ARHGEF9: variants seen among roughly 807,000 people sequenced by gnomAD.
ARHGEF9 encodes Cdc42 guanine nucleotide exchange factor 9.
Under a neutral mutation model 41.3 loss-of-function variants are expected in ARHGEF9, and 2 were observed. That is an observed-to-expected ratio of 0.05 (90% CI 0.02 to 0.15). ARHGEF9 has a LOEUF of 0.15. Ranked by LOEUF, ARHGEF9 falls within the 10% of genes least tolerant of loss-of-function variation. The pLI is 1.00. For synonymous variants in ARHGEF9, 160 were observed against 154.4 expected (o/e 1.04, Z -0.27); for missense variants, 225 against 424.7 (o/e 0.53, Z 4.13).
chrX:63,679,951 C>CA (rs1363056768), intron 4 of ARHGEF9, among the ~76,000 whole-genome samples: 9 of 111,196 alleles, frequency 8.1e-5, no homozygotes, highest in East Asian at 2.8e-4. Context: ...AAGAAATCTA[C>CA]AAAAAAAATA....
At chrX:63,662,173 C>G (rs2049264213) in intron 7 of ARHGEF9, among the ~76,000 whole-genome samples, 1 of 111,700 alleles carries the variant, frequency 9.0e-6, no homozygotes, top group African/African-American at 3.3e-5. Flanking sequence ...AATAGTTATT[C>G]TCACCATTCA....
chrX:63,705,598 A>T (rs1428117496), intron 3 of ARHGEF9, among the ~76,000 whole-genome samples: 2 of 110,915 alleles, frequency 1.8e-5, no homozygotes, highest in Non-Finnish European at 3.8e-5. Flanking sequence ...GGGGAAAAAA[A>T]GTGACATACT....
At chrX:63,708,484 T>C (rs1375249574) in intron 2 of ARHGEF9, among the ~76,000 whole-genome samples, 1 of 112,170 alleles carries the variant, frequency 8.9e-6, no homozygotes, top group East Asian at 2.8e-4. Flanking sequence ...GTTCAAGCTA[T>C]ACACCATGAC....
At chrX:63,674,236 C>A in intron 5 of ARHGEF9, 69 bp from the exon 6 acceptor site, 2 of 1,123,560 alleles carry the variant, frequency 1.8e-6, no homozygotes, top group South Asian at 3.7e-5. Flanking sequence ...AGGTGCCAAT[C>A]TTAACATCCA....
intron 1 of ARHGEF9, among the ~76,000 whole-genome samples, chrX:63,767,864 GCT>G (rs1304167862): frequency 2.7e-5 from 3 of 112,218 alleles, no homozygotes; most frequent in African/African-American, 9.7e-5. Context: ...TTTCATTCTG[GCT>G]CTGTTTGGAG....
chrX:63,648,940 G>T (rs1556321028), intron 8 of ARHGEF9, among the ~76,000 whole-genome samples: 1 of 110,689 alleles, frequency 9.0e-6, no homozygotes. Context: ...GGAGTACCCA[G>T]ATTCATAAAA....
intron 2 of ARHGEF9, chrX:63,716,180 CAGGAGGCTG>C (rs2053283943): frequency 9.1e-6 from 1 of 109,955 alleles, no homozygotes; most frequent in Non-Finnish European, 1.9e-5. Context: ...CCCAGCTACT[CAGGAGGCTG>C]AGGTGGCAGG....
intron 1 of ARHGEF9, among the ~76,000 whole-genome samples, chrX:63,773,381 T>C (rs1485774240): frequency 1.8e-5 from 2 of 111,710 alleles, no homozygotes; most frequent in African/African-American, 6.5e-5. Context: ...GAAGGTATGA[T>C]CTTCTAAGGT....
At chrX:63,777,710 C>T (rs1774315857) in intron 1 of ARHGEF9, among the ~76,000 whole-genome samples, 2 of 112,555 alleles carry the variant, frequency 1.8e-5, no homozygotes, top group African/African-American at 6.4e-5. Flanking sequence ...GATAAATTGG[C>T]CAAAAGAAAG....
At chrX:63,674,324 C>T (rs1214190256) in intron 5 of ARHGEF9, among the ~76,000 whole-genome samples, 157 bp from the exon 6 acceptor site, 4 of 112,281 alleles carry the variant, frequency 3.6e-5, no homozygotes, top group African/African-American at 1.3e-4. Context: ...CATTTTCTAT[C>T]TTTTGTTTCA....
At chrX:63,716,812 C>T (rs781824618) in intron 2 of ARHGEF9, among the ~76,000 whole-genome samples, 16 of 111,482 alleles carry the variant, frequency 1.4e-4, no homozygotes, top group East Asian at 2.8e-4. Flanking sequence ...TTACCCACTG[C>T]GCACACACTC....
In ARHGEF9 at chrX:63,695,245, C is replaced by G. The variant is rs1380215921; in HGVS notation, c.582+1880G>C. Among the ~76,000 whole-genome samples, 6 of 111,789 alleles carry G rather than the reference C, an allele frequency of 5.4e-5. No individual in the cohort carries two copies. In the East Asian group the frequency reaches 1.7e-3, roughly 32 times the overall value. ...TACAGGGCAGCCCCCGGTTGAGAAC[C>G]ACTATTCTATATTCTACTTTCCCCA... On this transcript the variant is annotated intron_variant, in intron 4 of 9. Coordinates refer to ENST00000671741, the MANE Select transcript of ARHGEF9 (RefSeq NM_001353921.2).
rs59012226 is a variant in ARHGEF9, at chrX:63,713,701, T to TACACACACACACAC, written c.211-7266_211-7253dup. Among the ~76,000 whole-genome samples the TACACACACACACAC allele has an allele frequency of 3.4e-3, 323 of 94,292 alleles. 3 individuals are homozygous for TACACACACACACAC. The highest frequency in any genetic ancestry group is 0.012 in the African/African-American group (307 of 25,119). The allele number at this position is 94,292 out of a possible 115,157, so 81.9% of individuals were successfully genotyped here. ...TTGCAAGCAGAGCTCCCACTTCACA[T>TACACACACACACAC]ACACACACACACACACACACACACA... On this transcript the variant is annotated intron_variant, in intron 2 of 9. Coordinates refer to ENST00000671741, the MANE Select transcript of ARHGEF9 (RefSeq NM_001353921.2).
intron 1 of ARHGEF9, among the ~76,000 whole-genome samples, chrX:63,772,290 C>G (rs1362265321): frequency 8.9e-6 from 1 of 111,743 alleles, no homozygotes; most frequent in African/African-American, 3.3e-5. Context: ...CTTCCTTCCT[C>G]TATCCAACTC....
chrX:63,754,805 T>C (rs782629075), intron 1 of ARHGEF9: 27 of 939,538 alleles, frequency 2.9e-5, no homozygotes, highest in Admixed American at 1.1e-4. Flanking sequence ...GGGCTGATCG[T>C]TTGTCCCTAG....
At chrX:63,682,278 G>T in intron 4 of ARHGEF9, among the ~76,000 whole-genome samples, 1 of 111,275 alleles carries the variant, frequency 9.0e-6, no homozygotes. Flanking sequence ...ACTTTGGGAG[G>T]CCGAGGTGGG....
chrX:63,767,635 G>A (rs1408762271), intron 1 of ARHGEF9, among the ~76,000 whole-genome samples: 1 of 112,242 alleles, frequency 8.9e-6, no homozygotes, highest in African/African-American at 3.2e-5. Flanking sequence ...TTGTTGAGAA[G>A]ATTGTATTAG....
At chrX:63,709,490 G>A (rs2052771573) in intron 2 of ARHGEF9, among the ~76,000 whole-genome samples, 1 of 111,405 alleles carries the variant, frequency 9.0e-6, no homozygotes. Flanking sequence ...CACTGTCATT[G>A]CTCTCATACT....
intron 1 of ARHGEF9, among the ~76,000 whole-genome samples, chrX:63,740,617 A>G: frequency 8.9e-6 from 1 of 112,000 alleles, no homozygotes; most frequent in South Asian, 3.7e-4. Context: ...TTGACCTCAA[A>G]GCCAAAGCTG....
Sources: allele counts gnomAD v4.1 joint callset (sites outside exome capture counted in the v4.1 genomes callset), GRCh38; gene constraint gnomAD v4.1.1; transcripts MANE v1.5; gene names NCBI Gene and HGNC (gene_info 2026-07-23, HGNC 2026-07-21).